Variants in ADAP2 observed in about 807,000 individuals in gnomAD.
ADAP2 encodes ArfGAP with dual PH domains 2.
Under a neutral mutation model 54.9 loss-of-function variants are expected in ADAP2, and 42 were observed. That is an observed-to-expected ratio of 0.77 (90% confidence interval 0.60 to 0.99). The LOEUF is 0.99. Among genes scored for constraint, ADAP2 ranks in the 50% least tolerant of loss-of-function variants. The pLI is 0.00. For synonymous variants in ADAP2, 177 were observed against 180.1 expected (o/e 0.98, Z 0.14); for missense variants, 429 against 480.4 (o/e 0.89, Z 1.00).
chr17:30,925,567 CTCT>C (rs1024752358), intron 2 of ADAP2, among the ~76,000 whole-genome samples: 21 of 148,028 alleles, frequency 1.4e-4, no homozygotes, highest in South Asian at 4.4e-4. Context: ...TCTTCTTCTT[CTCT>C]TTTCTTTTCT....
chr17:30,929,105 T>C (rs1193360720), intron 3 of ADAP2, among the ~76,000 whole-genome samples: 1 of 152,204 alleles, frequency 6.6e-6, no homozygotes, highest in African/African-American at 2.4e-5. Flanking sequence ...AGCTTTCTAC[T>C]TGGAAGACCT....
At chr17:30,925,850 C>T (rs1911021544) in intron 2 of ADAP2, among the ~76,000 whole-genome samples, 1 of 152,102 alleles carries the variant, frequency 6.6e-6, no homozygotes, top group Non-Finnish European at 1.5e-5. Context: ...ACCTCTGCCT[C>T]CCGGGTTCAA....
chr17:30,923,353 C>G (rs1192478161), intron 2 of ADAP2, among the ~76,000 whole-genome samples: 3 of 151,594 alleles, frequency 2.0e-5, no homozygotes, highest in African/African-American at 7.3e-5. Flanking sequence ...CAACCGCTGC[C>G]TCCCGGGTTC....
rs146542641 is a variant in ADAP2, at chr17:30,956,324, A to G, written c.966A>G (p.Arg322=). 5.7e-5 allele frequency: 92 copies of G among 1,614,084 alleles called. No homozygotes were observed. Among genetic ancestry groups the G allele is most frequent in the Non-Finnish European group, 2.9e-5 (34 of 1,180,046 alleles). ...EAYEDLPKGI[R]GNRWKAGLTI... ...ACGAAGACCTGCCCAAGGGCATCCGAGGAAATCGCTGGAAAGCCGGACTCA... is the reference window on the plus strand; with the variant it reads ...ACGAAGACCTGCCCAAGGGCATCCGGGGAAATCGCTGGAAAGCCGGACTCA... Residue 322 remains arginine (R), a synonymous_variant, in exon 10 of 11, where the codon CGA becomes CGG. Coordinates refer to ENST00000330889, the MANE Select transcript of ADAP2 (RefSeq NM_018404.3).
rs1047574044 is a variant in ADAP2, at chr17:30,950,751, C to T, written c.741+1381C>T. Among the ~76,000 whole-genome samples the T allele has an allele frequency of 5.3e-5, 8 of 152,232 alleles. No individual in the cohort carries two copies. In the East Asian group the frequency reaches 7.7e-4, roughly 15 times the overall value. On this transcript the variant is annotated intron_variant, in intron 7 of 10. Coordinates refer to ENST00000330889, the MANE Select transcript of ADAP2 (RefSeq NM_018404.3). ...CTCTGGGAGCAATTCCAGCAAGGCC[C>T]GAGTCAGAGCCCTTGAGTCAGTCTG...
At chr17:30,938,827 A>AG in intron 5 of ADAP2, among the ~76,000 whole-genome samples, 1 of 152,328 alleles carries the variant, frequency 6.6e-6, no homozygotes, top group East Asian at 1.9e-4. Flanking sequence ...GTAAGATGCA[A>AG]GGAATAAATT....
At chr17:30,950,369 A>AG (rs1192253388) in intron 7 of ADAP2, among the ~76,000 whole-genome samples, 1 of 152,184 alleles carries the variant, frequency 6.6e-6, no homozygotes, top group Non-Finnish European at 1.5e-5. Flanking sequence ...GTCTCGAGCC[A>AG]GGAAGCCTGG....
intron 5 of ADAP2, among the ~76,000 whole-genome samples, chr17:30,935,304 G>T (rs1911793801): frequency 6.6e-6 from 1 of 152,118 alleles, no homozygotes; most frequent in Non-Finnish European, 1.5e-5. Flanking sequence ...GGAGGTGGAG[G>T]TTGTGGTGAG....
At chr17:30,937,262 C>T (rs548790141) in intron 5 of ADAP2, among the ~76,000 whole-genome samples, 2 of 151,774 alleles carry the variant, frequency 1.3e-5, no homozygotes, top group East Asian at 3.9e-4. Context: ...CACTCTATTG[C>T]TCAGGTTGAA....
intron 7 of ADAP2, among the ~76,000 whole-genome samples, chr17:30,951,930 C>T (rs575998073): frequency 9.8e-5 from 15 of 152,324 alleles, no homozygotes; most frequent in South Asian, 2.1e-4. Context: ...GCTGGGATTA[C>T]AGGCGTGAGC....
At chr17:30,956,748 C>A (rs760633650) in intron 10 of ADAP2, 4 of 462,956 alleles carry the variant, frequency 8.6e-6, no homozygotes, top group Non-Finnish European at 1.6e-5. Context: ...GTACCCCTTG[C>A]GGTGTGGGGG....
chr17:30,927,462 AAAATTT>A (rs1911142389), intron 3 of ADAP2, among the ~76,000 whole-genome samples: 1 of 151,888 alleles, frequency 6.6e-6, no homozygotes, highest in Admixed American at 6.6e-5. Context: ...AAATACAAAA[AAAATTT>A]AGCCGGGCGT....
At chr17:30,949,832 C>G (rs1194936874) in intron 7 of ADAP2, among the ~76,000 whole-genome samples, 3 of 151,930 alleles carry the variant, frequency 2.0e-5, no homozygotes, top group Non-Finnish European at 2.9e-5. Context: ...CTGGGCTGCT[C>G]AGAGGGAAGC....
intron 7 of ADAP2, 52 bp from the exon 8 acceptor site, chr17:30,953,236 C>T (rs1466402857): frequency 6.3e-7 from 1 of 1,596,148 alleles, no homozygotes; most frequent in African/African-American, 1.3e-5. Flanking sequence ...TCGGCGGGAA[C>T]CTGGAGCCTT....
In ADAP2 at chr17:30,957,919, G is replaced by A. The variant is rs371531896; in HGVS notation, c.*50G>A. Reference sequence around the variant, plus strand: ...CACTGAACACCTGGAACTCCTTGTGGGAAGAAGTTTGCACCTCGGCCCTGG... The same window carrying A: ...CACTGAACACCTGGAACTCCTTGTGAGAAGAAGTTTGCACCTCGGCCCTGG... On this transcript the variant is annotated 3_prime_UTR_variant, in exon 11 of 11. Transcript: ENST00000330889. 103 of 1,592,896 alleles carry A rather than the reference G, an allele frequency of 6.5e-5. No individual in the cohort carries two copies. The African/African-American group carries it at 1.1e-3, about 17-fold the overall frequency.
chr17:30,958,216 A>T lies in ADAP2; in HGVS notation c.*347A>T. Reference sequence around the variant, plus strand: ...CAGCATCATGCAAGTGGCATCTTGTAAAAAAAAAAAAAAAGTTTAATCTGA... The same window carrying T: ...CAGCATCATGCAAGTGGCATCTTGTTAAAAAAAAAAAAAAGTTTAATCTGA... On this transcript the variant is annotated 3_prime_UTR_variant, in exon 11 of 11. Transcript: ENST00000330889. 5.0e-5 allele frequency: 7 copies of T among 138,900 alleles called. No homozygotes were observed. Among genetic ancestry groups the T allele is most frequent in the South Asian group, 2.1e-4 (1 of 4,748 alleles). The allele number at this position is 138,900 out of a possible 1,614,324, so 8.6% of individuals were successfully genotyped here. A position where few individuals can be genotyped will look rare whatever the true frequency, so the allele number is the denominator to read the frequency against.
intron 3 of ADAP2, among the ~76,000 whole-genome samples, chr17:30,930,719 T>A (rs1911410942): frequency 6.6e-6 from 1 of 152,180 alleles, no homozygotes; most frequent in African/African-American, 2.4e-5. Context: ...CAGCTCTAGG[T>A]CATTCCTGTG....
intron 6 of ADAP2, among the ~76,000 whole-genome samples, chr17:30,947,884 A>C (rs931201065): frequency 6.6e-6 from 1 of 152,214 alleles, no homozygotes; most frequent in African/African-American, 2.4e-5. Context: ...AGCCCAGTCC[A>C]GCCTCTGTGT....
chr17:30,953,490 C>T, intron 8 of ADAP2, 140 bp downstream of exon 8: 1 of 751,750 alleles, frequency 1.3e-6, no homozygotes, highest in Non-Finnish European at 2.2e-6. Context: ...GGGCCACATG[C>T]AACCCAGGAC....
Sources: gnomAD v4.1 joint callset for allele counts (sites outside exome capture counted in the v4.1 genomes callset) on GRCh38, gnomAD v4.1.1 for gene constraint, MANE v1.5 for transcripts, NCBI Gene and HGNC (gene_info 2026-07-23, HGNC 2026-07-21) for gene names.